The following STARD13 variants were observed in gnomAD, a reference collection of about 807,000 sequenced individuals.
STARD13 encodes the protein StAR related lipid transfer domain containing 13.
Under a neutral mutation model 106.4 loss-of-function variants are expected in STARD13, and 62 were observed. That is an observed-to-expected ratio of 0.58 (90% CI 0.48 to 0.72). The LOEUF (loss-of-function observed/expected upper bound fraction) is 0.72. Ranked by LOEUF, STARD13 falls within the 30% of genes least tolerant of loss-of-function variation. The pLI is 0.00. For missense variants in STARD13, 1,387 were observed against 1,424.0 expected (o/e 0.97, Z 0.42); for synonymous variants, 565 against 553.0 (o/e 1.02, Z -0.31).
chr13:33,597,354 C>T, the STARD13 span, among the ~76,000 whole-genome samples: 37,657 of 151,322 alleles, frequency 0.25, 5,778 homozygotes, highest in Admixed American at 0.35. Context: ...CTATTCAAAT[C>T]CTTTGCCCAT....
the STARD13 span, among the ~76,000 whole-genome samples, chr13:33,361,520 G>A: frequency 6.6e-6 from 1 of 152,280 alleles, no homozygotes; most frequent in African/African-American, 2.4e-5. Flanking sequence ...GTTCAATGAT[G>A]TATTAGTCCA....
At chr13:33,287,410 TG>T, upstream of STARD13, among the ~76,000 whole-genome samples, 1 of 152,230 alleles carries the variant, frequency 6.6e-6, no homozygotes, top group South Asian at 2.1e-4. Context: ...CCTCTTCGGG[TG>T]GTTACACAAG....
the STARD13 span, among the ~76,000 whole-genome samples, chr13:33,625,255 A>T: frequency 2.0e-5 from 3 of 152,206 alleles, no homozygotes; most frequent in Non-Finnish European, 4.4e-5. Context: ...CTGAACGAGA[A>T]GGGTGACCTT....
Position 33,112,802 on chromosome 13 carries a change from T to C in STARD13, c.2411A>G (p.Gln804Arg), listed in dbSNP as rs1352618632. Residue 804 changes from glutamine (Q) to arginine (R), a missense_variant, in exon 9 of 14, where the codon CAG (glutamine) becomes CGG (arginine). Coordinates refer to ENST00000336934, the MANE Select transcript of STARD13 (RefSeq NM_178006.4). ...CACTGCCAGGTTCATGGGCGTCATC[T>C]GATTCTCTTCCACCAAGTTGACGAC... is the stretch of plus-strand genomic sequence containing the variant. The part of the protein sequence containing the change: ...NDVVNLVEEN[Q>R]MTPMNLAVCL... 8 of 1,614,008 alleles carry C rather than the reference T, an allele frequency of 5.0e-6. No homozygotes were observed. The highest frequency in any genetic ancestry group is 6.8e-6 in the Non-Finnish European group (8 of 1,179,940).
chr13:33,588,121 C>T, the STARD13 span, among the ~76,000 whole-genome samples: 1 of 152,088 alleles, frequency 6.6e-6, no homozygotes, highest in South Asian at 2.1e-4. Flanking sequence ...GTCACATATG[C>T]ACATCTTGCT....
chr13:33,623,639 A>G, the STARD13 span, among the ~76,000 whole-genome samples: 5 of 152,108 alleles, frequency 3.3e-5, no homozygotes, highest in Non-Finnish European at 7.4e-5. Flanking sequence ...AATTATCTGC[A>G]TCTACCTGTC....
At chr13:33,214,827 A>C (rs975906996) in intron 1 of STARD13, among the ~76,000 whole-genome samples, 2 of 152,036 alleles carry the variant, frequency 1.3e-5, no homozygotes, top group Non-Finnish European at 2.9e-5. Context: ...TCAAAACACC[A>C]CAGACATTGT....
chr13:33,368,128 C>G, the STARD13 span, among the ~76,000 whole-genome samples: 88 of 152,246 alleles, frequency 5.8e-4, no homozygotes, highest in African/African-American at 2.0e-3. Flanking sequence ...GGAGTAAACC[C>G]CATGACTCAT....
At chr13:33,420,628 C>T in the STARD13 span, among the ~76,000 whole-genome samples, 1 of 152,198 alleles carries the variant, frequency 6.6e-6, no homozygotes, top group African/African-American at 2.4e-5. Flanking sequence ...CAGAACTCTC[C>T]ATCCCAAATC....
At chr13:33,148,534 C>T (rs1428305611) in intron 3 of STARD13, among the ~76,000 whole-genome samples, 1 of 152,148 alleles carries the variant, frequency 6.6e-6, no homozygotes, top group African/African-American at 2.4e-5. Context: ...TGAGATACAA[C>T]CACATATCTA....
chr13:33,245,766 G>C (rs544966624), intron 1 of STARD13, among the ~76,000 whole-genome samples: 1 of 152,208 alleles, frequency 6.6e-6, no homozygotes, highest in East Asian at 1.9e-4. Flanking sequence ...CTGTCCTATT[G>C]GAAAGAACCT....
the STARD13 span, among the ~76,000 whole-genome samples, chr13:33,580,777 ATC>A: frequency 6.6e-6 from 1 of 152,130 alleles, no homozygotes; most frequent in African/African-American, 2.4e-5. Flanking sequence ...CAAACATTTT[ATC>A]TCTATTTATA....
chr13:33,468,588 C>T, the STARD13 span, among the ~76,000 whole-genome samples: 1 of 151,448 alleles, frequency 6.6e-6, no homozygotes, highest in Non-Finnish European at 1.5e-5. Flanking sequence ...CTCCCCCACT[C>T]TCTCTCTCAT....
At chr13:33,611,650 G>A in the STARD13 span, 1 of 152,186 alleles carries the variant, frequency 6.6e-6, no homozygotes, top group Non-Finnish European at 1.5e-5. Flanking sequence ...AGTTAAGAGT[G>A]CCAGTGAGGT....
the STARD13 span, among the ~76,000 whole-genome samples, chr13:33,629,770 C>G: frequency 6.6e-6 from 1 of 152,086 alleles, no homozygotes; most frequent in Non-Finnish European, 1.5e-5. Context: ...TTTGAACTGT[C>G]AAGAGCCAAG....
At chr13:33,419,085 G>T in the STARD13 span, among the ~76,000 whole-genome samples, 6 of 152,214 alleles carry the variant, frequency 3.9e-5, no homozygotes, top group Non-Finnish European at 7.3e-5. Flanking sequence ...CTCCTAGCCA[G>T]CAATGGATCA....
chr13:33,627,130 G>GTGTTAGCTGTAGCTA, the STARD13 span, among the ~76,000 whole-genome samples: 1 of 152,060 alleles, frequency 6.6e-6, no homozygotes. Flanking sequence ...CTTAAATCTA[G>GTGTTAGCTGTAGCTA]ACAGTGTTAG....
At chr13:33,455,014 G>C in the STARD13 span, among the ~76,000 whole-genome samples, 2 of 152,236 alleles carry the variant, frequency 1.3e-5, no homozygotes, top group African/African-American at 4.8e-5. Context: ...GATTTGGCTG[G>C]CTTTTGTTCA....
At chr13:33,389,098 G>A in the STARD13 span, among the ~76,000 whole-genome samples, 4 of 151,864 alleles carry the variant, frequency 2.6e-5, no homozygotes, top group Admixed American at 1.3e-4. Context: ...TGGGATTATA[G>A]GTGCCAACCA....
Sources: allele counts gnomAD v4.1 joint callset (sites outside exome capture counted in the v4.1 genomes callset), GRCh38; gene constraint gnomAD v4.1.1; transcripts MANE v1.5; gene names NCBI Gene and HGNC (gene_info 2026-07-23, HGNC 2026-07-21).